The following RTEL1 variants were observed in gnomAD, a reference collection of about 807,000 sequenced individuals.
RTEL1 encodes the protein regulator of telomere length.
In RTEL1, 86 loss-of-function variants were observed where a neutral mutation model predicts 162.2. That is an observed-to-expected ratio of 0.53 (90% CI 0.45 to 0.63). The LOEUF (loss-of-function observed/expected upper bound fraction) is 0.63. Among genes scored for constraint, RTEL1 ranks in the 30% least tolerant of loss-of-function variants. The pLI is 0.00. For synonymous variants in RTEL1, 958 were observed against 717.9 expected (o/e 1.33, Z -5.35); for missense variants, 1,941 against 1,750.2 (o/e 1.11, Z -1.95).
At chr20:63,680,643 C>T (rs2090460536) in intron 13 of RTEL1, 21 bp from the exon 14 acceptor site, 1 of 1,612,426 alleles carries the variant, frequency 6.2e-7, no homozygotes, top group Admixed American at 1.7e-5. Flanking sequence ...GTGTGGGTGT[C>T]AGCGCCCTGC....
At chr20:63,672,744 G>C in intron 9 of RTEL1, 123 bp downstream of exon 9, 1 of 789,744 alleles carries the variant, frequency 1.3e-6, no homozygotes, top group Non-Finnish European at 2.2e-6. Flanking sequence ...CAGGACTGGG[G>C]ACTGAGCACA....
chr20:63,690,457 G>T lies in RTEL1; in HGVS notation c.2413+16G>T. The T allele has an allele frequency of 6.4e-7, 1 of 1,551,882 alleles. No homozygotes were observed. Among genetic ancestry groups the T allele is most frequent in the Non-Finnish European group, 8.7e-7 (1 of 1,148,034 alleles). ...AGGTCCTCAGGTGCGGACGGGCAGC[G>T]CTGGGTGGGCGGTGTGGGGGTGGCG... On this transcript the variant is annotated intron_variant, in intron 26 of 34. Transcript: ENST00000360203.
chr20:63,667,085 C>A lies in RTEL1; in HGVS notation c.615-384C>A, dbSNP rs549393766. Among the ~76,000 whole-genome samples, 8 of 147,722 alleles carry A rather than the reference C, an allele frequency of 5.4e-5. No individual in the cohort carries two copies. The South Asian group carries it at 1.1e-3, about 20-fold the overall frequency. On this transcript the variant is annotated intron_variant, in intron 7 of 34. Transcript: ENST00000360203. ...CGATCTTCTGACCTTGTGATCCGCC[C>A]ACCTCGGCCTCCCAAAGTGCTGGGA... is the stretch of plus-strand genomic sequence containing the variant.
At chr20:63,682,010 C>G in intron 14 of RTEL1, 1 of 985,452 alleles carries the variant, frequency 1.0e-6, no homozygotes, top group Non-Finnish European at 1.2e-6. Flanking sequence ...TGATGGGTCA[C>G]TGCAAAGCAC....
intron 1 of RTEL1, chr20:63,658,785 G>C (rs1255692994): frequency 1.3e-5 from 2 of 157,236 alleles, no homozygotes; most frequent in African/African-American, 4.8e-5. Flanking sequence ...GCACGGGTTG[G>C]CATCCCGGCA....
chr20:63,681,679 C>T lies in RTEL1; in HGVS notation c.1191+960C>T, dbSNP rs533983291. 1.6e-4 allele frequency: 156 copies of T among 985,288 alleles called. 1 individual carries two copies. In the South Asian group the frequency reaches 2.3e-3, roughly 15 times the overall value. The allele number at this position is 985,288 out of a possible 1,614,324, so 61.0% of individuals were successfully genotyped here. A position where few individuals can be genotyped will look rare whatever the true frequency, so the allele number is the denominator to read the frequency against. ...TCTCCTTCACAGACGCAGCTCTGAG[C>T]GGGGGCGAGACCTGGGCAGGGACCA... On this transcript the variant is annotated intron_variant, in intron 14 of 34. Transcript: ENST00000360203.
rs764440464 is a variant in RTEL1, at chr20:63,691,865, C to CGACCACCATA, written c.2652+32_2652+41dup. 1.3e-5 allele frequency: 20 copies of CGACCACCATA among 1,583,646 alleles called. No individual in the cohort carries two copies. In the African/African-American group the frequency reaches 1.9e-4, roughly 15 times the overall value. On this transcript the variant is annotated intron_variant, in intron 28 of 34. Transcript: ENST00000360203. ...GCGTGAGCTGTCCCTGCACCTGTGC[C>CGACCACCATA]GACCACCATAGACACGCATGGGAAC...
rs750794827 is a variant in RTEL1 at position 63,662,860 on chromosome 20, G to A, written c.509G>A (p.Arg170His). 6.8e-6 allele frequency: 11 copies of A among 1,613,866 alleles called. No homozygotes were observed. Among genetic ancestry groups the A allele is most frequent in the South Asian group, 2.2e-5 (2 of 91,092 alleles). The change falls in exon 6 of 35, where the codon CGC becomes CAC. Residue 170 changes from arginine to histidine, a missense_variant. By Grantham distance (29) the Arg-to-His change is conservative. Coordinates refer to ENST00000360203, the MANE Select transcript of RTEL1 (RefSeq NM_001283009.2). ...TTGTGCCGTAAGAAGGTGGCAAGTC[G>A]CTCCTGTCATTTCTACAACAACGTA... is the stretch of plus-strand genomic sequence containing the variant. ...IHLCRKKVAS[R>H]SCHFYNNVEE...
At chr20:63,688,458 G>A in intron 20 of RTEL1, 70 bp from the exon 21 acceptor site, 3 of 1,602,578 alleles carry the variant, frequency 1.9e-6, no homozygotes, top group Non-Finnish European at 2.6e-6. Flanking sequence ...AGTGGTCACA[G>A]CTCCTGCTTG....
intron 12 of RTEL1, 130 bp downstream of exon 12, chr20:63,678,476 T>A (rs889113419): frequency 3.6e-6 from 3 of 826,966 alleles, no homozygotes; most frequent in East Asian, 5.4e-5. Context: ...TTTTGAGACC[T>A]GGGAGGAGCA....
chr20:63,683,523 C>T (rs554402214), intron 14 of RTEL1, among the ~76,000 whole-genome samples: 1 of 152,220 alleles, frequency 6.6e-6, no homozygotes, highest in African/African-American at 2.4e-5. Flanking sequence ...CACACACGCA[C>T]GCACGCCTGC....
upstream of RTEL1, chr20:63,658,292 A>G (rs1348395586): frequency 6.6e-6 from 1 of 152,390 alleles, no homozygotes; most frequent in Non-Finnish European, 1.5e-5. Flanking sequence ...GCACAAAGCA[A>G]CGGACCGGAA....
At chr20:63,684,460 TCTC>T (rs1364120706) in intron 14 of RTEL1, among the ~76,000 whole-genome samples, 1 of 151,886 alleles carries the variant, frequency 6.6e-6, no homozygotes, top group Non-Finnish European at 1.5e-5. Context: ...TTCACGCCAT[TCTC>T]CTGCCTCAGC....
At chr20:63,666,916 T>C (rs544826247) in intron 7 of RTEL1, among the ~76,000 whole-genome samples, 10 of 147,354 alleles carry the variant, frequency 6.8e-5, no homozygotes, top group South Asian at 6.5e-4. Context: ...CTCGGCTCAC[T>C]GCAAGCTCCG....
At chr20:63,694,304 GC>G (rs753644798) in intron 30 of RTEL1, 67 bp from the exon 31 acceptor site, 44 of 812,678 alleles carry the variant, frequency 5.4e-5, no homozygotes, top group East Asian at 1.4e-4. Context: ...AGCCAGCCCT[GC>G]CCCCCCACCC....
At chr20:63,667,342 G>A in intron 7 of RTEL1, 127 bp from the exon 8 acceptor site, 1 of 758,656 alleles carries the variant, frequency 1.3e-6, no homozygotes, top group Non-Finnish European at 2.4e-6. Context: ...TCCATCCCAG[G>A]CAGCAGCTTC....
rs1568710845 is a variant in RTEL1 at position 63,689,627 on chromosome 20, C to T, written c.2004C>T (p.Gly668=). Residue 668 remains glycine, a synonymous_variant, in exon 23 of 35, where the codon GGC becomes GGT. Coordinates refer to ENST00000360203, the MANE Select transcript of RTEL1 (RefSeq NM_001283009.2). ...LKMQFLDEMK[G]QGGAGGQFLS... ...TGCAGTTCCTGGATGAGATGAAGGG[C>T]CAGGGTGGGGCTGGGGGCCAGGTGA... 3 of 1,611,734 alleles carry T rather than the reference C, an allele frequency of 1.9e-6. No individual in the cohort carries two copies. Among genetic ancestry groups the T allele is most frequent in the Non-Finnish European group, 2.5e-6 (3 of 1,179,270 alleles).
chr20:63,667,693 A>AG, intron 8 of RTEL1, 140 bp downstream of exon 8: 1 of 720,264 alleles, frequency 1.4e-6, no homozygotes, highest in African/African-American at 1.7e-5. Context: ...GTCACTGGGC[A>AG]GGGGCTCAAC....
chr20:63,690,463 T>A lies in RTEL1; in HGVS notation c.2413+22T>A, dbSNP rs369003962. 1.4e-5 allele frequency: 9 copies of A among 631,870 alleles called. No homozygotes were observed. In the African/African-American group the frequency reaches 1.8e-4, roughly 12 times the overall value. The allele number at this position is 631,870 out of a possible 1,614,324, so 39.1% of individuals were successfully genotyped here. A position where few individuals can be genotyped will look rare whatever the true frequency, so the allele number is the denominator to read the frequency against. On this transcript the variant is annotated intron_variant, in intron 26 of 34. Coordinates refer to ENST00000360203, the MANE Select transcript of RTEL1 (RefSeq NM_001283009.2). ...TCAGGTGCGGACGGGCAGCGCTGGG[T>A]GGGCGGTGTGGGGGTGGCGGAGCGG... is the stretch of plus-strand genomic sequence containing the variant.
Sources: gnomAD v4.1 joint callset for allele counts (sites outside exome capture counted in the v4.1 genomes callset) on GRCh38, gnomAD v4.1.1 for gene constraint, MANE v1.5 for transcripts, NCBI Gene and HGNC (gene_info 2026-07-23, HGNC 2026-07-21) for gene names.